GPD2: variants seen among roughly 807,000 people sequenced by gnomAD.
GPD2 encodes glycerol-3-phosphate dehydrogenase, mitochondrial.
Under a neutral mutation model 82.4 loss-of-function variants are expected in GPD2, and 54 were observed. That is an observed-to-expected ratio of 0.66 (90% CI 0.53 to 0.82). GPD2 has a LOEUF of 0.82. Ranked by LOEUF, GPD2 falls within the 40% of genes least tolerant of loss-of-function variation. The probability of loss-of-function intolerance (pLI) is 0.00; values close to 1 mark genes in which losing one functional copy is unlikely to be tolerated. For missense variants in GPD2, 748 were observed against 896.2 expected (o/e 0.83, Z 2.11); for synonymous variants, 288 against 306.1 (o/e 0.94, Z 0.62).
intron 10 of GPD2, 84 bp from the exon 11 acceptor site, chr2:156,569,274 AATTTT>A: frequency 1.5e-5 from 13 of 883,728 alleles, no homozygotes; most frequent in Non-Finnish European, 2.5e-5. Flanking sequence ...ACAACAGGAA[AATTTT>A]GTTATTGGTA....
chr2:156,465,361 CT>C (rs67390264), intron 1 of GPD2, among the ~76,000 whole-genome samples: 64,050 of 113,626 alleles, frequency 0.56, 17,388 homozygotes, highest in East Asian at 0.72. Context: ...TTCTTTCTTT[CT>C]TTTTTTTTTT....
intron 1 of GPD2, among the ~76,000 whole-genome samples, chr2:156,470,351 A>G (rs1293333560): frequency 1.3e-5 from 2 of 152,078 alleles, no homozygotes; most frequent in African/African-American, 4.8e-5. Context: ...GTGCGCCACC[A>G]TGCCCAGCTA....
At chr2:156,463,746 T>C (rs1211115640) in intron 1 of GPD2, among the ~76,000 whole-genome samples, 1 of 152,184 alleles carries the variant, frequency 6.6e-6, no homozygotes, top group East Asian at 1.9e-4. Context: ...TAGAGAATTA[T>C]ATATTTTTGG....
intron 6 of GPD2, among the ~76,000 whole-genome samples, chr2:156,519,347 C>T (rs941023411): frequency 2.6e-5 from 4 of 152,116 alleles, no homozygotes; most frequent in African/African-American, 9.7e-5. Context: ...CTTTCTTCAT[C>T]TCCCAATGTT....
chr2:156,505,522 G>C (rs1310807278), intron 3 of GPD2, among the ~76,000 whole-genome samples: 1 of 152,048 alleles, frequency 6.6e-6, no homozygotes. Flanking sequence ...AAAAGTAGCT[G>C]CTAACAAGAA....
chr2:156,530,774 A>C (rs1461447048), intron 6 of GPD2, among the ~76,000 whole-genome samples: 4 of 152,172 alleles, frequency 2.6e-5, no homozygotes, highest in Non-Finnish European at 5.9e-5. Flanking sequence ...CATCCCAGGG[A>C]TGAAGCCCAC....
rs563835777 is a variant in GPD2, at chr2:156,562,430, G to T, written c.1165+4848G>T. On this transcript the variant is annotated intron_variant, in intron 9 of 16. Transcript: ENST00000438166. ...TTCATTAGTTTATAAATGTAATATG[G>T]TATCTTATTTCTGTGATTAACACTT... 3.9e-5 allele frequency among the ~76,000 whole-genome samples: 6 copies of T among 152,162 alleles called. No homozygotes were observed. In the South Asian group the frequency reaches 1.0e-3, roughly 26 times the overall value.
At position 156,579,066 on chromosome 2, in the gene GPD2, T is replaced by G. The variant is rs1196655798; in HGVS notation, c.1881-20T>G. 6.3e-7 allele frequency: 1 copy of G among 1,579,454 alleles called. No homozygotes were observed. Among genetic ancestry groups the G allele is most frequent in the East Asian group, 2.2e-5 (1 of 44,646 alleles). ...GGCCTATGTAAGTATATTTTTCCATTATTTAATCTTGTGTTCCAGGTATAA... is the reference window on the plus strand; with the variant it reads ...GGCCTATGTAAGTATATTTTTCCATGATTTAATCTTGTGTTCCAGGTATAA... On this transcript the variant is annotated intron_variant, in intron 14 of 16. Transcript: ENST00000438166.
At chr2:156,401,335 A>G in the GPD2 span, among the ~76,000 whole-genome samples, 2 of 152,376 alleles carry the variant, frequency 1.3e-5, no homozygotes, top group Non-Finnish European at 2.9e-5. Context: ...TTTTAATCAC[A>G]TAGTTATAAA....
the GPD2 span, among the ~76,000 whole-genome samples, chr2:156,422,351 T>G: frequency 6.6e-6 from 1 of 152,180 alleles, no homozygotes; most frequent in South Asian, 2.1e-4. Flanking sequence ...AGTAATGTTA[T>G]CTATAATACA....
the GPD2 span, among the ~76,000 whole-genome samples, chr2:156,414,694 T>C: frequency 4.6e-5 from 7 of 152,178 alleles, no homozygotes; most frequent in Non-Finnish European, 7.4e-5. Context: ...ACATTCAAAG[T>C]GGATGAGTTC....
intron 3 of GPD2, among the ~76,000 whole-genome samples, chr2:156,498,465 A>C (rs905917857): frequency 5.3e-5 from 8 of 152,210 alleles, no homozygotes; most frequent in African/African-American, 1.4e-4. Context: ...TGCTTGCTCA[A>C]AGTGTTCCAG....
the GPD2 span, among the ~76,000 whole-genome samples, chr2:156,422,386 G>A: frequency 6.9e-4 from 105 of 152,248 alleles, no homozygotes; most frequent in African/African-American, 2.4e-3. Flanking sequence ...TTTGTAGGTT[G>A]TTGAATAGGC....
At chr2:156,457,377 G>C (rs1682823426) in intron 1 of GPD2, among the ~76,000 whole-genome samples, 1 of 152,094 alleles carries the variant, frequency 6.6e-6, no homozygotes, top group Non-Finnish European at 1.5e-5. Context: ...TATAAACGTT[G>C]GACTCCATGT....
intron 1 of GPD2, among the ~76,000 whole-genome samples, chr2:156,454,850 GC>G (rs1181848777): frequency 6.6e-6 from 1 of 152,106 alleles, no homozygotes; most frequent in East Asian, 1.9e-4. Context: ...TTGCTTAGTG[GC>G]CAGGGGTGAG....
intron 6 of GPD2, among the ~76,000 whole-genome samples, chr2:156,533,479 T>A (rs1685942382): frequency 1.3e-5 from 2 of 152,224 alleles, no homozygotes; most frequent in African/African-American, 2.4e-5. Flanking sequence ...GTCCATTGAA[T>A]AATCTGATTC....
At chr2:156,578,840 A>T in intron 13 of GPD2, 49 bp from the exon 14 acceptor site, 1 of 1,097,988 alleles carries the variant, frequency 9.1e-7, no homozygotes, top group Non-Finnish European at 1.4e-6. Flanking sequence ...GGAGGAAAAA[A>T]ATCAATATTT....
chr2:156,423,103 G>A, the GPD2 span, among the ~76,000 whole-genome samples: 1 of 152,296 alleles, frequency 6.6e-6, no homozygotes, highest in East Asian at 1.9e-4. Context: ...TAGATGAGGA[G>A]ACTGATGCTC....
intron 1 of GPD2, among the ~76,000 whole-genome samples, chr2:156,469,586 T>C (rs2105189920): frequency 6.6e-6 from 1 of 152,366 alleles, no homozygotes; most frequent in South Asian, 2.1e-4. Flanking sequence ...CTGTGACTAG[T>C]GCTGCAATAA....
Sources: allele counts gnomAD v4.1 joint callset (sites outside exome capture counted in the v4.1 genomes callset), GRCh38; gene constraint gnomAD v4.1.1; transcripts MANE v1.5; gene names NCBI Gene and HGNC (gene_info 2026-07-23, HGNC 2026-07-21).